Variants in ABCA4 observed in about 807,000 individuals in gnomAD.
ABCA4 encodes retinal-specific phospholipid-transporting ATPase ABCA4.
Under a neutral mutation model 263.7 loss-of-function variants are expected in ABCA4, and 196 were observed. The observed-to-expected ratio is 0.74, with a 90% CI of 0.66 to 0.84. ABCA4 has a LOEUF of 0.84. Ranked by LOEUF, ABCA4 falls within the 40% of genes least tolerant of loss-of-function variation. The pLI, the probability that ABCA4 is intolerant of heterozygous loss-of-function variation, is 0.00. For synonymous variants in ABCA4, 1,133 were observed against 1,094.2 expected (o/e 1.04, Z -0.70); for missense variants, 2,792 against 2,855.1 (o/e 0.98, Z 0.50).
At chr1:94,010,166 A>G (rs1477583858) in intron 40 of ABCA4, among the ~76,000 whole-genome samples, 1 of 152,222 alleles carries the variant, frequency 6.6e-6, no homozygotes, top group African/African-American at 2.4e-5. Context: ...TTGGCAATTC[A>G]GGCCCCTGGG....
At chr1:94,005,664 C>A in intron 43 of ABCA4, 82 bp from the exon 44 acceptor site, 1 of 1,422,086 alleles carries the variant, frequency 7.0e-7, no homozygotes, top group Non-Finnish European at 9.8e-7. Context: ...AAGCTTCTGC[C>A]AACGGGAAAA....
chr1:94,114,648 G>T (rs572254752), intron 1 of ABCA4, among the ~76,000 whole-genome samples: 1 of 152,054 alleles, frequency 6.6e-6, no homozygotes, highest in African/African-American at 2.4e-5. Flanking sequence ...CACCATGCCC[G>T]GCTAATTTTT....
intron 22 of ABCA4, among the ~76,000 whole-genome samples, chr1:94,042,076 G>A (rs891075172): frequency 5.0e-5 from 7 of 138,818 alleles, no homozygotes; most frequent in South Asian, 2.3e-4. Flanking sequence ...TCCAGCCTGC[G>A]CGACAGAGCG....
chr1:94,093,330 TAGTTTTCTTTAGGGAAC>T (rs1662027268), intron 6 of ABCA4, among the ~76,000 whole-genome samples: 2 of 152,192 alleles, frequency 1.3e-5, no homozygotes, highest in Non-Finnish European at 2.9e-5. Context: ...CCTGTGAACT[TAGTTTTCTTTAGGGAAC>T]AGGTCTAGAG....
At chr1:94,082,103 G>A (rs1410639204) in intron 7 of ABCA4, among the ~76,000 whole-genome samples, 2 of 152,156 alleles carry the variant, frequency 1.3e-5, no homozygotes, top group South Asian at 2.1e-4. Context: ...TCCACACAGT[G>A]AGTCATGCCT....
intron 17 of ABCA4, 55 bp from the exon 18 acceptor site, chr1:94,049,012 A>G: frequency 6.3e-7 from 1 of 1,575,818 alleles, no homozygotes. Context: ...GAACGAGCAA[A>G]GGCAGGAAAG....
At chr1:93,996,577 C>T (rs1557756996) in intron 48 of ABCA4, among the ~76,000 whole-genome samples, 1 of 152,208 alleles carries the variant, frequency 6.6e-6, no homozygotes, top group African/African-American at 2.4e-5. Flanking sequence ...TCGTGCCTCC[C>T]TCTGCTTAAT....
chr1:94,079,821 T>G (rs1270460834), intron 8 of ABCA4, among the ~76,000 whole-genome samples: 1 of 152,196 alleles, frequency 6.6e-6, no homozygotes, highest in Non-Finnish European at 1.5e-5. Flanking sequence ...AATCTCAGCT[T>G]GAGCCTCAGT....
chr1:94,081,070 A>T (rs554564631), intron 7 of ABCA4, among the ~76,000 whole-genome samples: 1 of 152,204 alleles, frequency 6.6e-6, no homozygotes, highest in African/African-American at 2.4e-5. Flanking sequence ...TAAAAATACA[A>T]AAAAATTAGC....
At chr1:94,097,334 G>A (rs923085238) in intron 6 of ABCA4, among the ~76,000 whole-genome samples, 1 of 151,974 alleles carries the variant, frequency 6.6e-6, no homozygotes, top group South Asian at 2.1e-4. Flanking sequence ...CAGAAACTGC[G>A]GTGTCTTATT....
rs1051609068 is a variant in ABCA4, at chr1:94,021,704, G to T, written c.4784C>A (p.Thr1595Asn). Residue 1595 changes from threonine (T) to asparagine (N), a missense_variant, in exon 34 of 50, where the codon ACT becomes AAT. Coordinates refer to ENST00000370225, the MANE Select transcript of ABCA4 (RefSeq NM_000350.3). ...AGGTATTTCTTTAGAGGCCTCTCTA[G>T]TGATAGGGCCCTAAAAACCATGTAA... Reference protein sequence around the residue: ...RIMNVSGGPITREASKEIPDF... With the variant: ...RIMNVSGGPINREASKEIPDF... 1 of 1,613,108 alleles carries T rather than the reference G, an allele frequency of 6.2e-7. No individual in the cohort carries two copies. The highest frequency in any genetic ancestry group is 1.3e-5 in the African/African-American group (1 of 75,022).
At chr1:94,109,500 C>T (rs4147811) in intron 3 of ABCA4, among the ~76,000 whole-genome samples, 50,374 of 152,098 alleles carry the variant, frequency 0.33, 9,307 homozygotes, top group Admixed American at 0.43. Flanking sequence ...TGGGTCAACC[C>T]GATTTGTTCC....
At chr1:94,073,132 A>C (rs1471698682) in intron 11 of ABCA4, among the ~76,000 whole-genome samples, 1 of 152,210 alleles carries the variant, frequency 6.6e-6, no homozygotes, top group African/African-American at 2.4e-5. Context: ...ATGATTTTCA[A>C]GTCTCCTCCA....
chr1:94,069,709 T>G lies in ABCA4; in HGVS notation c.1555-6392A>C, dbSNP rs374891794. On this transcript the variant is annotated intron_variant, in intron 11 of 49. Coordinates refer to ENST00000370225, the MANE Select transcript of ABCA4 (RefSeq NM_000350.3). ...TTTCCCACTACATGGAAAAATCCAC[T>G]GGATAAAACAGCCTTGGGCTATCTG... 4.4e-4 allele frequency among the ~76,000 whole-genome samples: 67 copies of G among 152,272 alleles called. 1 individual carries two copies. The South Asian group carries it at 9.3e-3, about 21-fold the overall frequency.
rs930052678 is a variant in ABCA4 at position 94,001,302 on chromosome 1, G to A, written c.6283-197C>T. Among the ~76,000 whole-genome samples the A allele has an allele frequency of 6.6e-5, 10 of 152,220 alleles. No homozygotes were observed. In the East Asian group the frequency reaches 1.9e-3, roughly 29 times the overall value. ...GGTGGATCCAAGAGTAAAGAAGCGTGGCGTCCATCCTGGGCCCATTTCAGC... is the reference window on the plus strand; with the variant it reads ...GGTGGATCCAAGAGTAAAGAAGCGTAGCGTCCATCCTGGGCCCATTTCAGC... On this transcript the variant is annotated intron_variant, in intron 45 of 49. Transcript: ENST00000370225.
chr1:94,081,011 T>C (rs1484154321), intron 7 of ABCA4, among the ~76,000 whole-genome samples: 1 of 151,950 alleles, frequency 6.6e-6, no homozygotes, highest in East Asian at 1.9e-4. Flanking sequence ...GATCACGAGG[T>C]CAGGAGATCG....
chr1:94,011,291 T>G lies in ABCA4; in HGVS notation c.5555A>C (p.Gln1852Pro). 1 of 1,614,082 alleles carries G rather than the reference T, an allele frequency of 6.2e-7. No homozygotes were observed. The highest frequency in any genetic ancestry group is 8.5e-7 in the Non-Finnish European group (1 of 1,180,010). Residue 1852 changes from glutamine (Q) to proline (P), a missense_variant, in exon 39 of 50, where the codon CAG becomes CCG. Coordinates refer to ENST00000370225, the MANE Select transcript of ABCA4 (RefSeq NM_000350.3). ...CCGGGCATAGACATCTGTCACAGCC[T>G]GGCTCAGTGCAAGGTCAATGAGGCC... ...GRGLIDLALSQAVTDVYARFG... is the reference protein window; with the variant it reads ...GRGLIDLALSPAVTDVYARFG...
In ABCA4 at chr1:94,083,380, A is replaced by G. The variant is rs1409094931; in HGVS notation, c.830T>C (p.Leu277Ser). The G allele has an allele frequency of 1.2e-6, 2 of 1,613,510 alleles. No individual in the cohort carries two copies. Among genetic ancestry groups the G allele is most frequent in the South Asian group, 1.1e-5 (1 of 91,064 alleles). Residue 277 changes from leucine (L) to serine (S), a missense_variant, in exon 7 of 50, where the codon TTA (leucine) becomes TCA (serine). Leu to Ser is a moderately radical substitution (Grantham distance 145). Transcript: ENST00000370225. ...GINLRSWGGILSDMSPRIQEF... is the reference protein window; with the variant it reads ...GINLRSWGGISSDMSPRIQEF... ...TTGAATTCTTGGTGACATATCAGAT[A>G]ATATTCCTCCCCAAGATCTCAGATT...
intron 1 of ABCA4, among the ~76,000 whole-genome samples, chr1:94,116,793 G>A (rs995877714): frequency 1.3e-5 from 2 of 152,114 alleles, no homozygotes; most frequent in East Asian, 3.9e-4. Context: ...TGTTTTCTCA[G>A]CAGCTCAGAC....
Sources: gnomAD v4.1 joint callset for allele counts (sites outside exome capture counted in the v4.1 genomes callset) on GRCh38, gnomAD v4.1.1 for gene constraint, MANE v1.5 for transcripts, NCBI Gene and HGNC (gene_info 2026-07-23, HGNC 2026-07-21) for gene names.